Variants in MTMR2 observed in about 807,000 individuals in gnomAD.
MTMR2 encodes phosphatidylinositol-3,5-bisphosphate 3-phosphatase MTMR2.
MTMR2 carries 55 observed loss-of-function variants against 86.9 expected under a neutral mutation model. The ratio of observed to expected loss-of-function variants is 0.63; its 90% confidence interval spans 0.51 to 0.79. MTMR2 has a LOEUF of 0.79. MTMR2 is among the 30% of genes least tolerant of loss of function. MTMR2 has a pLI of 0.00. For synonymous variants in MTMR2, 241 were observed against 266.8 expected (o/e 0.90, Z 0.94); for missense variants, 659 against 772.3 (o/e 0.85, Z 1.74).
chr11:95,888,385 C>A, intron 1 of MTMR2, 124 bp from the exon 2 acceptor site: 1 of 695,864 alleles, frequency 1.4e-6, no homozygotes. Context: ...TTCTGCTTTG[C>A]CTATTCAATC....
chr11:95,886,731 G>A (rs1865524636), intron 2 of MTMR2, among the ~76,000 whole-genome samples: 1 of 152,122 alleles, frequency 6.6e-6, no homozygotes, highest in Non-Finnish European at 1.5e-5. Context: ...GTTATTTAAT[G>A]ATACTTTTAA....
At chr11:95,861,478 C>CA (rs1383318226) in intron 5 of MTMR2, among the ~76,000 whole-genome samples, 1 of 151,080 alleles carries the variant, frequency 6.6e-6, no homozygotes, top group Non-Finnish European at 1.5e-5. Context: ...AGCTGGAGTG[C>CA]AGTGGCACTA....
Position 95,876,404 on chromosome 11 carries a change from T to A in MTMR2, c.187-10728A>T, listed in dbSNP as rs111569624. ...TCAGATATGAGGGAAGAAAATTCAC[T>A]CCTGGAGAAATCCTCTAGAATACAT... On this transcript the variant is annotated intron_variant, in intron 2 of 14. Transcript: ENST00000346299. Among the ~76,000 whole-genome samples the A allele has an allele frequency of 4.4e-3, 668 of 152,308 alleles. 3 individuals carry two copies. Among genetic ancestry groups the A allele is most frequent in the Non-Finnish European group, 6.4e-3 (437 of 68,030 alleles).
At chr11:95,873,928 G>A (rs1238848566) in intron 2 of MTMR2, among the ~76,000 whole-genome samples, 2 of 152,176 alleles carry the variant, frequency 1.3e-5, no homozygotes, top group Admixed American at 1.3e-4. Context: ...TTAATCCTGA[G>A]TTCTAGTTTG....
Position 95,832,936 on chromosome 11 carries a change from C to T in MTMR2, c.*2354G>A, listed in dbSNP as rs377268473. 6 of 152,222 alleles carry T rather than the reference C, an allele frequency of 3.9e-5. No homozygotes were observed. The highest frequency in any genetic ancestry group is 1.4e-4 in the African/African-American group (6 of 41,534). The allele number at this position is 152,222 out of a possible 1,614,324, so 9.4% of individuals were successfully genotyped here. A position where few individuals can be genotyped will look rare whatever the true frequency, so the allele number is the denominator to read the frequency against. ...TTTCAAATAAGGTTATGTTTACAGA[C>T]TTGTGGTAGACATGTGAATTGTTCA... On this transcript the variant is annotated 3_prime_UTR_variant, in exon 15 of 15. Coordinates refer to ENST00000346299, the MANE Select transcript of MTMR2 (RefSeq NM_016156.6).
chr11:95,857,059 T>C (rs906472962), intron 7 of MTMR2, among the ~76,000 whole-genome samples: 3 of 152,158 alleles, frequency 2.0e-5, no homozygotes, highest in Non-Finnish European at 4.4e-5. Context: ...CATTTAGATA[T>C]CTTTAGCTCT....
intron 1 of MTMR2, among the ~76,000 whole-genome samples, chr11:95,890,260 T>A (rs1020086887): frequency 1.3e-5 from 2 of 152,240 alleles, no homozygotes; most frequent in Non-Finnish European, 2.9e-5. Flanking sequence ...TTTTCCTTTT[T>A]TTTGTATCTA....
At chr11:95,906,071 A>G (rs1280089937) in intron 1 of MTMR2, among the ~76,000 whole-genome samples, 1 of 152,154 alleles carries the variant, frequency 6.6e-6, no homozygotes, top group Non-Finnish European at 1.5e-5. Context: ...CTAAAAATAC[A>G]AAAGTTAGCC....
At position 95,845,052 on chromosome 11, in the gene MTMR2, G is replaced by A; in HGVS notation, c.1287C>T (p.Ser429=). Residue 429 remains serine (S), a synonymous_variant, in exon 11 of 15, where the codon TCC becomes TCT. Transcript: ENST00000346299. The part of the protein sequence containing the change: ...DGWDRTAQLT[S]LAMLMLDGYY... Reference sequence around the variant, plus strand: ...ATCCATCCAACATGAGCATGGCAAGGGAAGTGAGCTGAGCTGTGCGATCCC... The same window carrying A: ...ATCCATCCAACATGAGCATGGCAAGAGAAGTGAGCTGAGCTGTGCGATCCC... 1.2e-6 allele frequency: 2 copies of A among 1,613,900 alleles called. No individual in the cohort carries two copies. Among genetic ancestry groups the A allele is most frequent in the Non-Finnish European group, 1.7e-6 (2 of 1,179,872 alleles).
chr11:95,853,089 C>T (rs144509482), intron 7 of MTMR2, among the ~76,000 whole-genome samples: 4 of 148,374 alleles, frequency 2.7e-5, no homozygotes, highest in South Asian at 2.1e-4. Flanking sequence ...TATTATAGCA[C>T]GTGAAAAATA....
intron 14 of MTMR2, among the ~76,000 whole-genome samples, chr11:95,835,752 TGTTA>T (rs1030522438): frequency 2.2e-4 from 33 of 152,202 alleles, no homozygotes; most frequent in Admixed American, 1.1e-3. Flanking sequence ...GAAGATTCCC[TGTTA>T]TTTATAGGTT....
chr11:95,855,001 G>A (rs1864158336), intron 7 of MTMR2, among the ~76,000 whole-genome samples: 1 of 150,488 alleles, frequency 6.6e-6, no homozygotes, highest in African/African-American at 2.5e-5. Context: ...GTAGAGACAG[G>A]GTTTCACCAT....
At chr11:95,887,493 C>T (rs1418584908) in intron 2 of MTMR2, 1 of 152,070 alleles carries the variant, frequency 6.6e-6, no homozygotes, top group Non-Finnish European at 1.5e-5. Context: ...CTCAATCATT[C>T]ATAGACAAGC....
At chr11:95,850,498 C>T (rs1301048622) in intron 8 of MTMR2, 102 bp downstream of exon 8, 2 of 1,182,994 alleles carry the variant, frequency 1.7e-6, no homozygotes, top group East Asian at 2.3e-5. Flanking sequence ...AGACCTGCTG[C>T]TGTAGCTATT....
At chr11:95,888,535 A>T (rs1215795518) in intron 1 of MTMR2, among the ~76,000 whole-genome samples, 1 of 152,176 alleles carries the variant, frequency 6.6e-6, no homozygotes, top group Non-Finnish European at 1.5e-5. Context: ...TCACCCATCC[A>T]TTCATTCATC....
chr11:95,897,575 A>G (rs1437009028), intron 1 of MTMR2, among the ~76,000 whole-genome samples: 1 of 152,144 alleles, frequency 6.6e-6, no homozygotes, highest in Admixed American at 6.5e-5. Flanking sequence ...CTTACTTACA[A>G]ATAGAAATGA....
intron 7 of MTMR2, among the ~76,000 whole-genome samples, chr11:95,852,804 G>C (rs959107553): frequency 2.0e-5 from 3 of 152,114 alleles, no homozygotes; most frequent in African/African-American, 7.2e-5. Flanking sequence ...TTGGGAGGCA[G>C]AGGTGGGCAG....
At chr11:95,835,641 T>C (rs1863236182) in intron 14 of MTMR2, among the ~76,000 whole-genome samples, 190 bp from the exon 15 acceptor site, 1 of 152,032 alleles carries the variant, frequency 6.6e-6, no homozygotes, top group Admixed American at 6.6e-5. Context: ...CCAGTGCCCC[T>C]GAGTATTTCC....
chr11:95,915,087 T>C (rs1019943419), intron 1 of MTMR2, among the ~76,000 whole-genome samples: 1 of 152,178 alleles, frequency 6.6e-6, no homozygotes, highest in Non-Finnish European at 1.5e-5. Flanking sequence ...TTTTCAGTGT[T>C]GCTATTTTGA....
Sources: gnomAD v4.1 joint callset for allele counts (sites outside exome capture counted in the v4.1 genomes callset) on GRCh38, gnomAD v4.1.1 for gene constraint, MANE v1.5 for transcripts, NCBI Gene and HGNC (gene_info 2026-07-23, HGNC 2026-07-21) for gene names.